TMF1: variants seen among roughly 807,000 people sequenced by gnomAD.
TMF1 encodes the protein TATA element modulatory factor 1, also known as TATA element modulatory factor.
Under a neutral mutation model 126.5 loss-of-function variants are expected in TMF1, and 71 were observed. The ratio of observed to expected loss-of-function variants is 0.56; its 90% CI spans 0.46 to 0.68. TMF1 has a LOEUF of 0.68. Among genes scored for constraint, TMF1 ranks in the 30% least tolerant of loss-of-function variants. The pLI is 0.00. For missense variants in TMF1, 1,259 were observed against 1,253.2 expected (o/e 1.00, Z -0.07); for synonymous variants, 461 against 430.5 (o/e 1.07, Z -0.88).
Position 69,047,527 on chromosome 3 carries a change from A to G in TMF1, c.1178T>C (p.Met393Thr). 6.2e-7 allele frequency: 1 copy of G among 1,614,096 alleles called. No individual in the cohort carries two copies. Among genetic ancestry groups the G allele is most frequent in the East Asian group, 2.2e-5 (1 of 44,882 alleles). Residue 393 changes from methionine (M) to threonine (T), a missense_variant, in exon 2 of 17, where the codon ATG becomes ACG. Met to Thr is a moderately conservative substitution (Grantham distance 81). Coordinates refer to ENST00000398559, the MANE Select transcript of TMF1 (RefSeq NM_007114.3). ...AGTTGCACTTCGTCCACTTTCTTCC[A>G]TTTCTGCTTCCTCAGTGGGTATAAC... ...TLVIPTEEAE[M>T]EESGRSATPV... is the part of the protein sequence containing the mutation.
rs2091748226 is a variant in TMF1 at position 69,023,094 on chromosome 3, A to G, written c.*83T>C. On this transcript the variant is annotated 3_prime_UTR_variant, in exon 17 of 17. Transcript: ENST00000398559. The stretch of plus-strand genomic sequence containing the variant: ...AGTAAATCCCACTTTCTAATTCTAT[A>G]AAAGAATTTATTGGAAGTCCACATT... 1 of 1,344,708 alleles carries G rather than the reference A, an allele frequency of 7.4e-7. No homozygotes were observed. Among genetic ancestry groups the G allele is most frequent in the Non-Finnish European group, 1.0e-6 (1 of 987,590 alleles). The allele number at this position is 1,344,708 out of a possible 1,614,324, so 83.3% of individuals were successfully genotyped here. A position where few individuals can be genotyped will look rare whatever the true frequency, so the allele number is the denominator to read the frequency against.
Position 69,051,929 on chromosome 3 carries a change from C to A in TMF1, c.142+16G>T. ...CAGCCTCCGGGAGCCAGGAACCCCG[C>A]TCCTCTCTCTCTTACCCGGCTCTCC... On this transcript the variant is annotated intron_variant, in intron 1 of 16. Transcript: ENST00000398559. 1 of 1,610,666 alleles carries A rather than the reference C, an allele frequency of 6.2e-7. No homozygotes were observed. The highest frequency in any genetic ancestry group is 8.5e-7 in the Non-Finnish European group (1 of 1,178,350).
rs201166573 is a variant in TMF1, at chr3:69,023,182, T to A, written c.3277A>T (p.Ser1093Cys). 1 of 1,609,572 alleles carries A rather than the reference T, an allele frequency of 6.2e-7. No homozygotes were observed. Among genetic ancestry groups the A allele is most frequent in the South Asian group, 1.1e-5 (1 of 90,666 alleles). Residue 1093 changes from serine to cysteine, a missense_variant, in exon 17 of 17, where the codon AGT (serine) becomes TGT (cysteine). By Grantham distance (112) the Ser-to-Cys change is moderately radical (BLOSUM62 -1). Transcript: ENST00000398559. ...GGGAATTCAATTTTCACAAGTTAAC[T>A]GAGACTTTGTCTTAAAAGTTCATCT... ...QIDELLRQSL[S>C]
In TMF1 at chr3:69,047,885, T is replaced by A. The variant is rs2091904807; in HGVS notation, c.820A>T (p.Ser274Cys). The change falls in exon 2 of 17, where the codon AGC (serine) becomes TGC (cysteine). Residue 274 changes from serine (S) to cysteine (C), a missense_variant. Ser to Cys is a moderately radical substitution (Grantham distance 112). Coordinates refer to ENST00000398559, the MANE Select transcript of TMF1 (RefSeq NM_007114.3). ...GAATCTGTAGTCTCTTGTCTCGAGC[T>A]CGCTGAGCTCTCACTTATTACACTT... ...HESVISESSA[S>C]SRQETTDSKS... The A allele has an allele frequency of 6.2e-7, 1 of 1,613,840 alleles. No homozygotes were observed. Among genetic ancestry groups the A allele is most frequent in the Non-Finnish European group, 8.5e-7 (1 of 1,180,026 alleles).
At chr3:69,028,778 C>G (rs1269997100) in intron 11 of TMF1, among the ~76,000 whole-genome samples, 2 of 151,850 alleles carry the variant, frequency 1.3e-5, no homozygotes, top group Non-Finnish European at 2.9e-5. Context: ...GATTTTACAC[C>G]CCATGGTTTC....
rs750845512 is a variant in TMF1, at chr3:69,047,446, C to A, written c.1259G>T (p.Gly420Val). 2.5e-6 allele frequency: 4 copies of A among 1,614,168 alleles called. No individual in the cohort carries two copies. The Admixed American group carries it at 6.7e-5, about 27-fold the overall frequency. Reference sequence around the variant, plus strand: ...AGCCACCTTGTCTAACACAGTCTGTCCTTCATTTATTGGTGTGGAAGAAAC... The same window carrying A: ...AGCCACCTTGTCTAACACAGTCTGTACTTCATTTATTGGTGTGGAAGAAAC... ...ILVSSTPINE[G>V]QTVLDKVAEQ... The change falls in exon 2 of 17, where the codon GGA becomes GTA. Residue 420 changes from glycine to valine, a missense_variant. Transcript: ENST00000398559.
intron 1 of TMF1, 139 bp downstream of exon 1, chr3:69,051,806 T>G: frequency 9.9e-7 from 1 of 1,015,200 alleles, no homozygotes; most frequent in Non-Finnish European, 1.4e-6. Context: ...TGAAGCAGCA[T>G]TAGGGAACGG....
chr3:69,024,458 C>A, intron 15 of TMF1: 1 of 191,606 alleles, frequency 5.2e-6, no homozygotes, highest in Non-Finnish European at 1.1e-5. Context: ...TTTTTCTAAT[C>A]TAAGGAAATG....
intron 10 of TMF1, 148 bp from the exon 11 acceptor site, chr3:69,030,155 G>A (rs2091791478): frequency 1.7e-6 from 1 of 582,042 alleles, no homozygotes; most frequent in African/African-American, 1.9e-5. Flanking sequence ...ACTGTCTACT[G>A]AGACAAATGA....
At chr3:69,033,012 T>A (rs2091811969) in intron 10 of TMF1, among the ~76,000 whole-genome samples, 1 of 151,994 alleles carries the variant, frequency 6.6e-6, no homozygotes, top group South Asian at 2.1e-4. Context: ...GTGATGAGAA[T>A]CATATATGAT....
In TMF1 at chr3:69,047,472, C is replaced by G. The variant is rs867305793; in HGVS notation, c.1233G>C (p.Leu411Phe). 3 of 1,614,116 alleles carry G rather than the reference C, an allele frequency of 1.9e-6. No homozygotes were observed. The Middle Eastern group carries it at 5.0e-4, about 266-fold the overall frequency. ...CTTCATTTATTGGTGTGGAAGAAAC[C>G]AAGATATCAGGCTGTTCACAGTTAA... ...TPVNCEQPDI[L>F]VSSTPINEGQ... Residue 411 changes from leucine to phenylalanine, a missense_variant, in exon 2 of 17, where the codon TTG becomes TTC. Leu to Phe is a conservative substitution (Grantham distance 22, BLOSUM62 0). Transcript: ENST00000398559.
rs751732796 is a variant in TMF1 at position 69,047,710 on chromosome 3, T to C, written c.995A>G (p.Gln332Arg). The C allele has an allele frequency of 3.7e-6, 6 of 1,614,036 alleles. No individual in the cohort carries two copies. Among genetic ancestry groups the C allele is most frequent in the Non-Finnish European group, 5.1e-6 (6 of 1,180,040 alleles). ...AFERIDSFSV[Q>R]SLDSRSVSEI... The stretch of plus-strand genomic sequence containing the variant: ...ACTTACACTCCGGCTATCTAATGAC[T>C]GTACACTAAATGAGTCTATTCTTTC... The change falls in exon 2 of 17, where the codon CAG becomes CGG. Residue 332 changes from glutamine to arginine, a missense_variant. Gln to Arg is a conservative substitution (Grantham distance 43). Transcript: ENST00000398559.
chr3:69,033,273 C>CAAA (rs34778745), intron 10 of TMF1, among the ~76,000 whole-genome samples: 7 of 85,638 alleles, frequency 8.2e-5, no homozygotes, highest in East Asian at 3.2e-4. Context: ...GACTCCATCT[C>CAAA]AAAAAAAAAA....
At chr3:69,031,651 G>T (rs1031533770) in intron 10 of TMF1, among the ~76,000 whole-genome samples, 1 of 152,108 alleles carries the variant, frequency 6.6e-6, no homozygotes, top group African/African-American at 2.4e-5. Flanking sequence ...TTGAAAAAAA[G>T]AGCAATGGGT....
intron 3 of TMF1, among the ~76,000 whole-genome samples, chr3:69,044,123 G>C (rs899657557): frequency 5.3e-5 from 8 of 152,122 alleles, no homozygotes; most frequent in African/African-American, 1.9e-4. Context: ...GTAAAAATAA[G>C]AGAAGAGTAA....
chr3:69,048,174 G>A lies in TMF1; in HGVS notation c.531C>T (p.His177=), dbSNP rs374210616. ...GTSSPKTEGK[H]EETVNKESDM... ...CCGATTCTTTATTAACAGTTTCTTC[G>A]TGCTTGCCTTCAGTTTTAGGTGATG... The change falls in exon 2 of 17, where the codon CAC becomes CAT. Residue 177 remains histidine, a synonymous_variant. Transcript: ENST00000398559. 5 of 1,613,952 alleles carry A rather than the reference G, an allele frequency of 3.1e-6. No homozygotes were observed. The highest frequency in any genetic ancestry group is 4.2e-6 in the Non-Finnish European group (5 of 1,180,024).
In TMF1 at chr3:69,036,815, T is replaced by C. The variant is rs141469416; in HGVS notation, c.2152-1700A>G. Among the ~76,000 whole-genome samples the C allele has an allele frequency of 4.6e-5, 7 of 152,320 alleles. No homozygotes were observed. The East Asian group carries it at 1.3e-3, about 29-fold the overall frequency. On this transcript the variant is annotated intron_variant, in intron 8 of 16. Transcript: ENST00000398559. ...AAGACCTAAATGTGAGAGCTAAGACTACAAAACTCTTAGAAGAAAACTGAT... is the reference window on the plus strand; with the variant it reads ...AAGACCTAAATGTGAGAGCTAAGACCACAAAACTCTTAGAAGAAAACTGAT...
chr3:69,037,458 G>T (rs896712829), intron 8 of TMF1, among the ~76,000 whole-genome samples: 4 of 151,972 alleles, frequency 2.6e-5, no homozygotes, highest in Admixed American at 6.6e-5. Context: ...TGGCCAACAT[G>T]GTGAAGCCTC....
In TMF1 at chr3:69,019,836, TA is replaced by T. The variant is rs1250957491; in HGVS notation, c.*3340del. The T allele has an allele frequency of 6.6e-6, 1 of 152,160 alleles. No homozygotes were observed. The highest frequency in any genetic ancestry group is 2.4e-5 in the African/African-American group (1 of 41,454). The allele number at this position is 152,160 out of a possible 1,614,324, so 9.4% of individuals were successfully genotyped here. A position where few individuals can be genotyped will look rare whatever the true frequency, so the allele number is the denominator to read the frequency against. ...AAAATGAAATACACTATTACTATTT[TA>T]AAATCTTTATTCAATCAGATCCATG... On this transcript the variant is annotated 3_prime_UTR_variant, in exon 17 of 17. Coordinates refer to ENST00000398559, the MANE Select transcript of TMF1 (RefSeq NM_007114.3).
Sources: gnomAD v4.1 joint callset for allele counts (sites outside exome capture counted in the v4.1 genomes callset) on GRCh38, gnomAD v4.1.1 for gene constraint, MANE v1.5 for transcripts, NCBI Gene and HGNC (gene_info 2026-07-23, HGNC 2026-07-21) for gene names.